Variants in MYO16 observed in about 807,000 individuals in gnomAD.
MYO16 encodes the protein unconventional myosin-XVI.
In MYO16, 94 loss-of-function variants were observed where a neutral mutation model predicts 205.3. The ratio of observed to expected loss-of-function variants is 0.46; its 90% CI spans 0.39 to 0.54. MYO16 has a LOEUF of 0.54. Among genes scored for constraint, MYO16 ranks in the 20% least tolerant of loss-of-function variants. MYO16 has a pLI of 0.00. For missense variants in MYO16, 2,315 were observed against 2,387.5 expected, an observed-to-expected ratio of 0.97 and a Z score of 0.63; for synonymous variants, 988 against 954.0, an observed-to-expected ratio of 1.04 and a Z score of -0.66.
intron 28 of MYO16, among the ~76,000 whole-genome samples, chr13:109,108,921 C>T (rs764629772): frequency 1.1e-4 from 16 of 152,152 alleles, no homozygotes; most frequent in Non-Finnish European, 2.2e-4. Context: ...GGGACAGAAC[C>T]AGATGAGAAC....
intron 28 of MYO16, among the ~76,000 whole-genome samples, chr13:109,102,998 A>G (rs1379971632): frequency 1.3e-5 from 2 of 152,290 alleles, no homozygotes; most frequent in Admixed American, 6.5e-5. Flanking sequence ...CCTGTTGTCT[A>G]GTCAGAAAAG....
At chr13:109,077,412 C>T (rs1370928438) in intron 27 of MYO16, among the ~76,000 whole-genome samples, 1 of 152,110 alleles carries the variant, frequency 6.6e-6, no homozygotes, top group African/African-American at 2.4e-5. Context: ...CCCTCAAACT[C>T]ACAGCCTCCA....
rs924817597 is a variant in MYO16 at position 109,154,370 on chromosome 13, G to T, written c.5165-10531G>T. ...TTCTCCTTGGTGAAATGTTGACACA[G>T]CAAAATGCTCAAGGTCGATGACTCA... On this transcript the variant is annotated intron_variant, in intron 32 of 34. Transcript: ENST00000457511. Among the ~76,000 whole-genome samples, 3 of 152,180 alleles carry T rather than the reference G, an allele frequency of 2.0e-5. No individual in the cohort carries two copies. The South Asian group carries it at 6.2e-4, about 32-fold the overall frequency.
chr13:109,040,089 A>G (rs1886832325), intron 23 of MYO16, among the ~76,000 whole-genome samples: 1 of 152,134 alleles, frequency 6.6e-6, no homozygotes, highest in Admixed American at 6.6e-5. Flanking sequence ...GAATGGATCA[A>G]TTCCTCAAAA....
intron 1 of MYO16, among the ~76,000 whole-genome samples, chr13:108,657,721 C>A (rs1881308421): frequency 6.6e-6 from 1 of 152,158 alleles, no homozygotes; most frequent in African/African-American, 2.4e-5. Flanking sequence ...CTCCTAATAG[C>A]TGACTCATAG....
intron 4 of MYO16, among the ~76,000 whole-genome samples, chr13:108,753,696 A>T (rs1240629483): frequency 6.6e-6 from 1 of 152,182 alleles, no homozygotes; most frequent in Non-Finnish European, 1.5e-5. Flanking sequence ...GCGCTCCTGG[A>T]GGTGCTCTTA....
Position 108,793,633 on chromosome 13 carries a change from T to C in MYO16, c.734T>C (p.Val245Ala), listed in dbSNP as rs1244252468. The change falls in exon 6 of 35, where the codon GTA becomes GCA. Residue 245 changes from valine (V) to alanine (A), a missense_variant. By Grantham distance (64) the Val-to-Ala change is moderately conservative. Transcript: ENST00000457511. ...GTCAATGAGAAAAACGATGAAGGAG[T>C]AACCCTGGTAAGTTCATATATTTGA... ...GNVNEKNDEG[V>A]TLLHMACASG... 1 of 1,612,976 alleles carries C rather than the reference T, an allele frequency of 6.2e-7. No individual in the cohort carries two copies. The highest frequency in any genetic ancestry group is 1.3e-5 in the African/African-American group (1 of 74,880).
chr13:108,811,193 A>G (rs1433901215), intron 7 of MYO16, among the ~76,000 whole-genome samples: 1 of 152,184 alleles, frequency 6.6e-6, no homozygotes, highest in Non-Finnish European at 1.5e-5. Context: ...ATACATCTTA[A>G]TGTTTAAAAA....
intron 16 of MYO16, among the ~76,000 whole-genome samples, chr13:108,917,743 G>C: frequency 6.6e-6 from 1 of 152,140 alleles, no homozygotes; most frequent in East Asian, 1.9e-4. Context: ...CTATATTTGT[G>C]GTCTGAATAT....
At position 108,793,704 on chromosome 13, in the gene MYO16, T is replaced by C. The variant is rs1010586490; in HGVS notation, c.741+64T>C. ...AGAATTTAAGTTGATCTATAAAACA[T>C]AGAATTCATTAAATTAACCTTTAAA... On this transcript the variant is annotated intron_variant, in intron 6 of 34. Coordinates refer to ENST00000457511, the MANE Select transcript of MYO16 (RefSeq NM_001198950.3). 4.1e-6 allele frequency: 6 copies of C among 1,458,768 alleles called. No homozygotes were observed. In the East Asian group the frequency reaches 7.0e-5, roughly 17 times the overall value. 90.4% of individuals were successfully genotyped at this position (1,458,768 alleles called of 1,614,324 possible). A position where few individuals can be genotyped will look rare whatever the true frequency, so the allele number is the denominator to read the frequency against.
intron 34 of MYO16, 93 bp downstream of exon 34, chr13:109,179,726 T>A (rs979328108): frequency 4.6e-5 from 46 of 1,006,764 alleles, no homozygotes; most frequent in Non-Finnish European, 1.2e-5. Context: ...ATGCTCTGTG[T>A]GGACTGGAGG....
chr13:108,876,745 C>A (rs1173236972), intron 12 of MYO16, among the ~76,000 whole-genome samples: 1 of 150,658 alleles, frequency 6.6e-6, no homozygotes, highest in East Asian at 2.0e-4. Flanking sequence ...TGGCTCACTG[C>A]AACCTCTGCC....
intron 27 of MYO16, among the ~76,000 whole-genome samples, chr13:109,088,736 T>A (rs570483215): frequency 1.3e-5 from 2 of 152,324 alleles, no homozygotes; most frequent in African/African-American, 4.8e-5. Flanking sequence ...CGCCACAGGC[T>A]GCCCTTCCGC....
At chr13:108,947,686 C>T (rs1882989838) in intron 16 of MYO16, among the ~76,000 whole-genome samples, 1 of 152,174 alleles carries the variant, frequency 6.6e-6, no homozygotes, top group African/African-American at 2.4e-5. Context: ...CTGTCTCCAC[C>T]CCCCGGCTCT....
intron 4 of MYO16, among the ~76,000 whole-genome samples, chr13:108,759,033 G>C: frequency 6.6e-6 from 1 of 152,062 alleles, no homozygotes; most frequent in Middle Eastern, 3.2e-3. Flanking sequence ...TTTCAATGAA[G>C]ATATTATGAA....
chr13:108,765,410 T>C (rs1885747441), intron 4 of MYO16, among the ~76,000 whole-genome samples: 1 of 152,234 alleles, frequency 6.6e-6, no homozygotes. Context: ...TACATACCCA[T>C]GTTCTAAAAG....
At chr13:108,616,926 G>A (rs1024054357) in intron 1 of MYO16, among the ~76,000 whole-genome samples, 1 of 152,056 alleles carries the variant, frequency 6.6e-6, no homozygotes, top group Non-Finnish European at 1.5e-5. Context: ...CTTGAAACCT[G>A]CGAATGGCTC....
chr13:108,908,972 C>CAAA lies in MYO16; in HGVS notation c.1778-1025_1778-1023dup, dbSNP rs201906153. On this transcript the variant is annotated intron_variant, in intron 15 of 34. Coordinates refer to ENST00000457511, the MANE Select transcript of MYO16 (RefSeq NM_001198950.3). The stretch of plus-strand genomic sequence containing the variant: ...TGGGCAATAGAGTGAGACTGTGTCT[C>CAAA]AAAAAAAATAAAATAAAATAAATAA... 6.4e-3 allele frequency among the ~76,000 whole-genome samples: 716 copies of CAAA among 111,614 alleles called. 3 individuals carry two copies. The highest frequency in any genetic ancestry group is 0.021 in the African/African-American group (679 of 31,610). 73.2% of individuals were successfully genotyped at this position (111,614 alleles called of 152,430 possible). A position where few individuals can be genotyped will look rare whatever the true frequency, so the allele number is the denominator to read the frequency against.
intron 2 of MYO16, among the ~76,000 whole-genome samples, chr13:108,703,823 C>T (rs1594224786): frequency 6.6e-6 from 1 of 152,128 alleles, no homozygotes; most frequent in African/African-American, 2.4e-5. Context: ...GTCCCCTCCC[C>T]TCAATTCATA....
Sources: allele counts gnomAD v4.1 joint callset (sites outside exome capture counted in the v4.1 genomes callset), GRCh38; gene constraint gnomAD v4.1.1; transcripts MANE v1.5; gene names NCBI Gene and HGNC (gene_info 2026-07-23, HGNC 2026-07-21).